Variants in DLG2 observed in about 807,000 individuals in gnomAD.
The protein encoded by DLG2 is disks large homolog 2.
A neutral mutation model predicts 132.5 loss-of-function variants in DLG2; 45 were observed. The ratio of observed to expected loss-of-function variants is 0.34; its 90% confidence interval spans 0.27 to 0.44. The LOEUF is 0.44. DLG2 is among the 20% of genes least tolerant of loss of function. DLG2 has a pLI of 1.00. For missense variants in DLG2, 1,045 were observed against 1,196.9 expected, an observed-to-expected ratio of 0.87 and a Z score of 1.87; for synonymous variants, 424 against 419.6, an observed-to-expected ratio of 1.01 and a Z score of -0.13.
At chr11:85,371,155 T>C (rs2084944195) in intron 3 of DLG2, among the ~76,000 whole-genome samples, 1 of 152,168 alleles carries the variant, frequency 6.6e-6, no homozygotes, top group Non-Finnish European at 1.5e-5. Flanking sequence ...ACTTTGGATA[T>C]TGTGACATTG....
chr11:83,967,261 T>C (rs2090420114), intron 12 of DLG2, among the ~76,000 whole-genome samples: 2 of 152,082 alleles, frequency 1.3e-5, no homozygotes, highest in Non-Finnish European at 2.9e-5. Context: ...AGACCAGAGA[T>C]TGCTGGGTAA....
intron 12 of DLG2, among the ~76,000 whole-genome samples, chr11:83,978,724 C>T (rs2092509030): frequency 6.6e-6 from 1 of 152,074 alleles, no homozygotes; most frequent in Non-Finnish European, 1.5e-5. Flanking sequence ...AGACAAAGTT[C>T]CTTCCTGAAT....
intron 7 of DLG2, among the ~76,000 whole-genome samples, chr11:84,330,597 T>C (rs1327801760): frequency 6.6e-6 from 1 of 152,120 alleles, no homozygotes; most frequent in Non-Finnish European, 1.5e-5. Context: ...AAGACTTTGG[T>C]TTTTTGAAAA....
intron 17 of DLG2, chr11:83,791,296 C>A: frequency 1.5e-6 from 1 of 676,256 alleles, no homozygotes. Context: ...AGAGGGTTTG[C>A]CCGCCTTGCC....
intron 16 of DLG2, among the ~76,000 whole-genome samples, chr11:83,852,058 C>T (rs568796846): frequency 6.6e-6 from 1 of 152,144 alleles, no homozygotes. Context: ...ACTCCAGAAG[C>T]TAGGAAGAGG....
At chr11:84,704,291 G>A (rs532043329) in intron 6 of DLG2, among the ~76,000 whole-genome samples, 1 of 151,602 alleles carries the variant, frequency 6.6e-6, no homozygotes, top group East Asian at 2.0e-4. Flanking sequence ...CTAAATCTGA[G>A]TTCTGCAAAG....
rs2097573134 is a variant in DLG2, at chr11:84,263,469, T to A, written c.520-12178A>T. Among the ~76,000 whole-genome samples the A allele has an allele frequency of 3.3e-5, 5 of 152,334 alleles. No individual in the cohort carries two copies. In the South Asian group the frequency reaches 1.0e-3, roughly 32 times the overall value. On this transcript the variant is annotated intron_variant, in intron 7 of 27. Coordinates refer to ENST00000376104, the MANE Select transcript of DLG2 (RefSeq NM_001142699.3). ...TATATATGGTCCTGTTGTTCTATGTTCATAGTTCATATTTTGTTTTTCTTG... is the reference window on the plus strand; with the variant it reads ...TATATATGGTCCTGTTGTTCTATGTACATAGTTCATATTTTGTTTTTCTTG...
At chr11:85,516,498 G>C (rs1172027353) in intron 3 of DLG2, among the ~76,000 whole-genome samples, 1 of 151,950 alleles carries the variant, frequency 6.6e-6, no homozygotes, top group African/African-American at 2.4e-5. Context: ...CAAATGAAAA[G>C]TTTGTTTTCT....
At chr11:83,487,704 T>C (rs115614341) in intron 21 of DLG2, among the ~76,000 whole-genome samples, 1,587 of 152,192 alleles carry the variant, frequency 0.01, 33 homozygotes, top group African/African-American at 0.036. Context: ...TCAGATGCTA[T>C]TGGATTCAAC....
intron 18 of DLG2, among the ~76,000 whole-genome samples, chr11:83,714,114 CAGTT>C (rs1018043398): frequency 3.3e-5 from 5 of 151,972 alleles, no homozygotes; most frequent in African/African-American, 4.8e-5. Flanking sequence ...AAAACAGAAA[CAGTT>C]GGTTGCTGTT....
chr11:85,609,927 T>C (rs1360325635), intron 2 of DLG2, among the ~76,000 whole-genome samples: 2 of 152,220 alleles, frequency 1.3e-5, no homozygotes, highest in Non-Finnish European at 2.9e-5. Context: ...TCTCTTCACA[T>C]GCCTTTCTTG....
intron 7 of DLG2, among the ~76,000 whole-genome samples, chr11:84,265,484 T>C (rs538022793): frequency 6.6e-6 from 1 of 152,308 alleles, no homozygotes; most frequent in South Asian, 2.1e-4. Flanking sequence ...GAATAAAAAC[T>C]GAACTCGGAT....
chr11:83,514,451 G>C (rs1239046801), intron 21 of DLG2, among the ~76,000 whole-genome samples: 3 of 152,126 alleles, frequency 2.0e-5, no homozygotes, highest in Non-Finnish European at 2.9e-5. Flanking sequence ...GGGTTTTCTA[G>C]ATATACAATC....
chr11:83,624,533 A>G lies in DLG2; in HGVS notation c.1940+8678T>C, dbSNP rs187000150. On this transcript the variant is annotated intron_variant, in intron 19 of 27. Transcript: ENST00000376104. ...GTCTCAAAATATAAATGAAGAATCA[A>G]AATCTATTCTGCTTTAAAGAAGGCA... Among the ~76,000 whole-genome samples the G allele has an allele frequency of 7.9e-5, 12 of 152,346 alleles. No homozygotes were observed. The East Asian group carries it at 2.3e-3, about 29-fold the overall frequency.
chr11:85,025,591 A>T (rs1458151907), intron 6 of DLG2, among the ~76,000 whole-genome samples: 1 of 152,190 alleles, frequency 6.6e-6, no homozygotes, highest in East Asian at 1.9e-4. Flanking sequence ...CTATCATCCC[A>T]ATTTAATATA....
chr11:83,772,104 G>A (rs188737914), intron 18 of DLG2, among the ~76,000 whole-genome samples: 1 of 152,190 alleles, frequency 6.6e-6, no homozygotes, highest in African/African-American at 2.4e-5. Flanking sequence ...TATTATGATA[G>A]TCACATTGAA....
chr11:84,949,660 T>C (rs1375474588), intron 6 of DLG2, among the ~76,000 whole-genome samples: 1 of 152,238 alleles, frequency 6.6e-6, no homozygotes, highest in African/African-American at 2.4e-5. Context: ...GGCTCTGTTC[T>C]GCCTGGCTCA....
Position 84,723,134 on chromosome 11 carries a change from A to T in DLG2, c.358-188403T>A, listed in dbSNP as rs527760252. On this transcript the variant is annotated intron_variant, in intron 6 of 27. Transcript: ENST00000376104. ...ATAGATCCTAAAAAAGCTGTACAAC[A>T]TTTCCCTTATTCATTAGCCTATAAT... Among the ~76,000 whole-genome samples the T allele has an allele frequency of 8.5e-5, 13 of 152,276 alleles. No homozygotes were observed. The South Asian group carries it at 2.7e-3, about 32-fold the overall frequency.
chr11:84,169,142 C>G (rs145709779), intron 8 of DLG2, among the ~76,000 whole-genome samples: 2 of 152,228 alleles, frequency 1.3e-5, no homozygotes, highest in Non-Finnish European at 2.9e-5. Flanking sequence ...AATAGTTCTT[C>G]CTCGTATGGT....
Sources: allele counts gnomAD v4.1 joint callset (sites outside exome capture counted in the v4.1 genomes callset), GRCh38; gene constraint gnomAD v4.1.1; transcripts MANE v1.5; gene names NCBI Gene and HGNC (gene_info 2026-07-23, HGNC 2026-07-21).